CECR2: variants seen among roughly 807,000 people sequenced by gnomAD.
CECR2 encodes CECR2 histone acetyl-lysine reader.
In CECR2, 30 loss-of-function variants were observed where a neutral mutation model predicts 154.5. The observed-to-expected ratio is 0.19, with a 90% confidence interval of 0.15 to 0.26. CECR2 has a LOEUF of 0.26. Ranked by LOEUF, CECR2 falls within the 10% of genes least tolerant of loss-of-function variation. CECR2 has a pLI of 1.00. For synonymous variants in CECR2, 725 were observed against 683.7 expected (o/e 1.06, Z -0.94); for missense variants, 1,743 against 1,829.3 (o/e 0.95, Z 0.86).
intron 1 of CECR2, chr22:17,419,456 C>A: frequency 9.9e-6 from 2 of 202,334 alleles, no homozygotes; most frequent in Non-Finnish European, 2.1e-5. Context: ...GATGAGGATC[C>A]CCCACGCCTG....
rs1198514409 is a variant in CECR2, at chr22:17,538,552, A to G, written c.1271A>G (p.Tyr424Cys). ...TTGGATGATGATTTCACTGCTATGT[A>G]TAAAGGTTAGTTCCCATTCTCCACT... ...FELDDDFTAM[Y>C]KVLDVVKAHK... Residue 424 changes from tyrosine to cysteine, a missense_variant, in exon 11 of 19, where the codon TAT becomes TGT. By Grantham distance (194) the Tyr-to-Cys change is radical. Around this residue, in one of 4 missense-constraint regions of CECR2, gnomAD observed 292 missense variants for 301.2 expected, o/e 0.97. Coordinates refer to ENST00000262608, the MANE Select transcript of CECR2 (RefSeq NM_001290047.2). 3 of 1,613,898 alleles carry G rather than the reference A, an allele frequency of 1.9e-6. No homozygotes were observed. Among genetic ancestry groups the G allele is most frequent in the Non-Finnish European group, 1.7e-6 (2 of 1,179,780 alleles).
At chr22:17,401,865 G>A (rs934275417) in intron 1 of CECR2, among the ~76,000 whole-genome samples, 1 of 137,974 alleles carries the variant, frequency 7.2e-6, no homozygotes, top group African/African-American at 2.8e-5. Context: ...TTTAACAGAT[G>A]GGGTCTCACT....
intron 17 of CECR2, among the ~76,000 whole-genome samples, chr22:17,551,262 G>T (rs1237220022): frequency 6.6e-6 from 1 of 152,130 alleles, no homozygotes; most frequent in East Asian, 1.9e-4. Flanking sequence ...GTATCTAATA[G>T]AGTTTTTGTT....
intron 8 of CECR2, among the ~76,000 whole-genome samples, chr22:17,520,661 G>A (rs913488378): frequency 6.6e-6 from 1 of 152,006 alleles, no homozygotes; most frequent in Non-Finnish European, 1.5e-5. Flanking sequence ...ACCTATGAGT[G>A]AGAACATGCG....
At chr22:17,537,420 CACACTCTGTGATACTTA>C (rs2056454485) in intron 10 of CECR2, among the ~76,000 whole-genome samples, 188 bp downstream of exon 10, 1 of 152,172 alleles carries the variant, frequency 6.6e-6, no homozygotes, top group Non-Finnish European at 1.5e-5. Context: ...CTCTTGCTGC[CACACTCTGTGATACTTA>C]ACACTAAGCT....
intron 2 of CECR2, among the ~76,000 whole-genome samples, chr22:17,495,063 A>T (rs1466503726): frequency 6.6e-6 from 1 of 152,192 alleles, no homozygotes; most frequent in Non-Finnish European, 1.5e-5. Context: ...ACTTTGCTGC[A>T]AATATAACTA....
intron 17 of CECR2, 128 bp downstream of exon 17, chr22:17,549,692 G>A (rs1233625836): frequency 2.6e-5 from 20 of 778,464 alleles, no homozygotes; most frequent in Middle Eastern, 3.8e-4. Context: ...GGCTCACGGC[G>A]GCATCGACCT....
At chr22:17,543,243 C>T (rs112520277) in intron 16 of CECR2, among the ~76,000 whole-genome samples, 3,782 of 152,148 alleles carry the variant, frequency 0.025, 118 homozygotes, top group African/African-American at 0.074. Flanking sequence ...TGCCATTCTT[C>T]GGCCTCAGCC....
intron 1 of CECR2, among the ~76,000 whole-genome samples, chr22:17,375,364 C>G (rs1320137462): frequency 6.6e-6 from 1 of 152,086 alleles, no homozygotes; most frequent in Non-Finnish European, 1.5e-5. Flanking sequence ...ATCCACCTGC[C>G]TCAGCCTCCC....
At chr22:17,451,123 TGAAA>T (rs1398706821) in intron 1 of CECR2, among the ~76,000 whole-genome samples, 3 of 152,218 alleles carry the variant, frequency 2.0e-5, no homozygotes, top group Admixed American at 6.5e-5. Context: ...TTCATCTACC[TGAAA>T]GAAAGAAGCT....
chr22:17,434,650 C>A (rs143820432), intron 1 of CECR2, among the ~76,000 whole-genome samples: 2 of 151,250 alleles, frequency 1.3e-5, no homozygotes, highest in Admixed American at 6.6e-5. Flanking sequence ...CCGCACCCCC[C>A]CTGCTGCTCC....
intron 1 of CECR2, among the ~76,000 whole-genome samples, chr22:17,372,541 C>T (rs773029978): frequency 1.6e-4 from 24 of 152,014 alleles, no homozygotes; most frequent in Non-Finnish European, 3.1e-4. Context: ...GTGGCGCGCT[C>T]CTGTAATCCC....
intron 17 of CECR2, among the ~76,000 whole-genome samples, chr22:17,549,898 T>C (rs2056682737): frequency 6.7e-6 from 1 of 150,288 alleles, no homozygotes; most frequent in Admixed American, 6.7e-5. Context: ...AGTGCTGAGA[T>C]TACAGGCATG....
intron 7 of CECR2, among the ~76,000 whole-genome samples, chr22:17,510,142 A>AT: frequency 6.6e-6 from 1 of 152,326 alleles, no homozygotes; most frequent in East Asian, 1.9e-4. Flanking sequence ...GTAGGGAAAC[A>AT]TTCACGTTCT....
At chr22:17,497,780 A>C (rs900823589) in intron 3 of CECR2, among the ~76,000 whole-genome samples, 194 bp downstream of exon 3, 1 of 152,128 alleles carries the variant, frequency 6.6e-6, no homozygotes, top group Non-Finnish European at 1.5e-5. Flanking sequence ...GTACATCCCT[A>C]TGGAAGTACG....
At chr22:17,400,329 G>T (rs2053873205) in intron 1 of CECR2, among the ~76,000 whole-genome samples, 2 of 152,160 alleles carry the variant, frequency 1.3e-5, no homozygotes, top group Admixed American at 1.3e-4. Context: ...AAGCTGTCTG[G>T]GAAGGGCAGA....
chr22:17,482,132 AAAAAAAAAAG>A (rs1360841227), intron 2 of CECR2, among the ~76,000 whole-genome samples: 1 of 100,630 alleles, frequency 9.9e-6, no homozygotes, highest in East Asian at 2.8e-4. Flanking sequence ...AAAAAAAAAA[AAAAAAAAAAG>A]GGCGTGGCAT....
intron 1 of CECR2, among the ~76,000 whole-genome samples, chr22:17,397,623 G>A (rs972504651): frequency 2.6e-5 from 4 of 151,850 alleles, no homozygotes; most frequent in Admixed American, 6.6e-5. Context: ...TCAGCCTCCC[G>A]AGTAGCTGGA....
chr22:17,485,117 G>A (rs1460419010), intron 2 of CECR2, among the ~76,000 whole-genome samples: 4 of 152,110 alleles, frequency 2.6e-5, no homozygotes, highest in Admixed American at 6.6e-5. Context: ...TGTCCTGGAC[G>A]CTGCCAACTG....
Sources: gnomAD v4.1 joint callset for allele counts (sites outside exome capture counted in the v4.1 genomes callset) on GRCh38, gnomAD v4.1.1 for gene constraint, gnomAD v4.1.1 regional missense constraint, MANE v1.5 for transcripts, NCBI Gene and HGNC (gene_info 2026-07-23, HGNC 2026-07-21) for gene names.